The following FMN1 variants were observed in gnomAD, a reference collection of about 807,000 sequenced individuals.
FMN1 encodes formin 1.
In FMN1, 110 loss-of-function variants were observed where a neutral mutation model predicts 132.4. The observed-to-expected ratio is 0.83, with a 90% CI of 0.71 to 0.97. FMN1 has a LOEUF of 0.97. Among genes scored for constraint, FMN1 ranks in the 50% least tolerant of loss-of-function variants. FMN1 has a pLI of 0.00. For synonymous variants in FMN1, 722 were observed against 651.7 expected (o/e 1.11, Z -1.64); for missense variants, 1,792 against 1,705.3 (o/e 1.05, Z -0.90).
chr15:32,844,842 C>A (rs556166440), intron 17 of FMN1, among the ~76,000 whole-genome samples: 2 of 152,320 alleles, frequency 1.3e-5, no homozygotes, highest in East Asian at 3.9e-4. Context: ...GACAAAATCA[C>A]GTAACAACAG....
intron 17 of FMN1, among the ~76,000 whole-genome samples, chr15:32,812,887 T>A (rs2057932576): frequency 6.6e-6 from 1 of 152,246 alleles, no homozygotes; most frequent in South Asian, 2.1e-4. Flanking sequence ...ACTGTAATAA[T>A]AATTTGTATA....
intron 4 of FMN1, among the ~76,000 whole-genome samples, chr15:33,146,867 T>C (rs2879383): frequency 0.041 from 6,272 of 152,154 alleles, 440 homozygotes; most frequent in African/African-American, 0.14. Context: ...AAAAAGTGCT[T>C]TCTCAGGATT....
chr15:32,930,922 C>G (rs1031438309), intron 9 of FMN1, among the ~76,000 whole-genome samples: 1 of 152,150 alleles, frequency 6.6e-6, no homozygotes, highest in African/African-American at 2.4e-5. Flanking sequence ...ATAGCCAGTT[C>G]TCCTAGCACT....
chr15:33,149,980 A>T, intron 4 of FMN1: 1 of 985,286 alleles, frequency 1.0e-6, no homozygotes, highest in Non-Finnish European at 1.2e-6. Context: ...ACATATTTTC[A>T]TGGGCACAAG....
chr15:33,167,044 GGTAAT>G (rs1965136645), intron 3 of FMN1, among the ~76,000 whole-genome samples: 1 of 152,112 alleles, frequency 6.6e-6, no homozygotes, highest in Admixed American at 6.5e-5. Flanking sequence ...ATTTAGGTGA[GGTAAT>G]GAAATGAGTA....
At chr15:32,918,235 A>G (rs2060731982) in intron 10 of FMN1, among the ~76,000 whole-genome samples, 1 of 152,172 alleles carries the variant, frequency 6.6e-6, no homozygotes, top group African/African-American at 2.4e-5. Context: ...CTGCATGCCA[A>G]AACTGACTAA....
chr15:32,808,377 A>AC (rs577063861), intron 17 of FMN1, among the ~76,000 whole-genome samples: 1 of 152,184 alleles, frequency 6.6e-6, no homozygotes, highest in Admixed American at 6.5e-5. Context: ...GATGATACCT[A>AC]CCCTCCCACA....
chr15:33,101,355 A>C (rs2039286851), intron 4 of FMN1, among the ~76,000 whole-genome samples: 1 of 152,144 alleles, frequency 6.6e-6, no homozygotes, highest in South Asian at 2.1e-4. Flanking sequence ...ATAATCCTGT[A>C]ATCTAGGGGT....
chr15:32,785,218 A>ATATATATATTTTTTTT (rs1444523400), intron 19 of FMN1, among the ~76,000 whole-genome samples: 8 of 39,198 alleles, frequency 2.0e-4, no homozygotes, highest in South Asian at 9.0e-4. Flanking sequence ...ATATATATAT[A>ATATATATATTTTTTTT]TTTTTTTTTT....
chr15:32,804,069 G>A (rs777946647), intron 18 of FMN1, among the ~76,000 whole-genome samples: 4 of 152,108 alleles, frequency 2.6e-5, no homozygotes, highest in South Asian at 2.1e-4. Flanking sequence ...TAAAGTAGTC[G>A]AAGTCACAGA....
At chr15:33,114,681 A>T in intron 4 of FMN1, among the ~76,000 whole-genome samples, 1 of 152,196 alleles carries the variant, frequency 6.6e-6, no homozygotes, top group East Asian at 1.9e-4. Flanking sequence ...GTGGGTAAAT[A>T]GTCACAACTG....
intron 9 of FMN1, among the ~76,000 whole-genome samples, chr15:32,944,228 TTTCC>T (rs2140457081): frequency 6.6e-6 from 1 of 152,306 alleles, no homozygotes; most frequent in African/African-American, 2.4e-5. Context: ...GCTGATTCAG[TTTCC>T]TTGGTCCCCT....
At chr15:32,930,847 C>A (rs2061097763) in intron 9 of FMN1, among the ~76,000 whole-genome samples, 1 of 151,952 alleles carries the variant, frequency 6.6e-6, no homozygotes, top group East Asian at 1.9e-4. Flanking sequence ...AGTTTCTAAT[C>A]TATTTTGAGT....
At chr15:32,803,520 T>C (rs2057552406) in intron 18 of FMN1, among the ~76,000 whole-genome samples, 1 of 152,118 alleles carries the variant, frequency 6.6e-6, no homozygotes, top group Admixed American at 6.5e-5. Context: ...GTGACATGAA[T>C]CTGAACAGAA....
At chr15:33,031,424 T>C (rs345872) in intron 6 of FMN1, among the ~76,000 whole-genome samples, 133,487 of 152,018 alleles carry the variant, frequency 0.88, 59,247 homozygotes, top group Non-Finnish European at 0.93. Flanking sequence ...CCAGAGGAGC[T>C]GCCCCAATTA....
rs1964538385 is a variant in FMN1 at position 33,153,552 on chromosome 15, TCGTTTCTGGG to T, written c.1353_1362del (p.Pro452GlufsTer24). On this transcript the variant is annotated frameshift_variant, in exon 4 of 21. Coordinates refer to ENST00000616417, the MANE Select transcript of FMN1 (RefSeq NM_001277313.2). LOFTEE classifies it high-confidence loss of function. Reference sequence around the variant, plus strand: ...GGCAACCCGGCTCTCCTCTTGTTTCTCGTTTCTGGGCGAGTGTGAGGGACACTCGTGTGGA... The same window carrying T: ...GGCAACCCGGCTCTCCTCTTGTTTCTCGAGTGTGAGGGACACTCGTGTGGA... The T allele has an allele frequency of 6.5e-7, 1 of 1,536,258 alleles. No individual in the cohort carries two copies. Among genetic ancestry groups the T allele is most frequent in the Non-Finnish European group, 8.7e-7 (1 of 1,146,938 alleles).
At chr15:32,964,013 C>CAATA (rs528390970) in intron 9 of FMN1, 94 bp downstream of exon 9, 1 of 343,578 alleles carries the variant, frequency 2.9e-6, no homozygotes, top group Non-Finnish European at 4.6e-6. Flanking sequence ...TGTGTATATA[C>CAATA]GATACACACA....
At chr15:32,875,431 G>A (rs1406953240) in intron 16 of FMN1, among the ~76,000 whole-genome samples, 3 of 152,188 alleles carry the variant, frequency 2.0e-5, no homozygotes, top group Non-Finnish European at 4.4e-5. Context: ...CCACCACTGG[G>A]ATCCTGTCAT....
chr15:32,798,965 AGG>A lies in FMN1; in HGVS notation c.3981-14_3981-13del. On this transcript the variant is annotated splice_polypyrimidine_tract_variant and intron_variant, in intron 18 of 20. Coordinates refer to ENST00000616417, the MANE Select transcript of FMN1 (RefSeq NM_001277313.2). Reference sequence around the variant, plus strand: ...CTGTTGTTTCAAAACTGCAACAGGTAGGGGGGAAAATGGAATGAGGTAGAGGT... The same window carrying A: ...CTGTTGTTTCAAAACTGCAACAGGTAGGGGAAAATGGAATGAGGTAGAGGT... The A allele has an allele frequency of 6.2e-7, 1 of 1,612,190 alleles. No individual in the cohort carries two copies. Among genetic ancestry groups the A allele is most frequent in the Non-Finnish European group, 8.5e-7 (1 of 1,179,260 alleles).
Sources: allele counts gnomAD v4.1 joint callset (sites outside exome capture counted in the v4.1 genomes callset), GRCh38; gene constraint gnomAD v4.1.1; transcripts MANE v1.5; gene names NCBI Gene and HGNC (gene_info 2026-07-23, HGNC 2026-07-21).